LZTFL1: variants seen among roughly 807,000 people sequenced by gnomAD.
LZTFL1 encodes leucine zipper transcription factor like 1, also known as leucine zipper transcription factor-like protein 1.
Under a neutral mutation model 45.9 loss-of-function variants are expected in LZTFL1, and 25 were observed. The observed-to-expected ratio is 0.54, with a 90% confidence interval of 0.40 to 0.76. The LOEUF (loss-of-function observed/expected upper bound fraction) is 0.76. LZTFL1 is among the 30% of genes least tolerant of loss of function. LZTFL1 has a pLI of 0.00. For missense variants in LZTFL1, 277 were observed against 331.1 expected (o/e 0.84, Z 1.27); for synonymous variants, 93 against 117.4 (o/e 0.79, Z 1.35).
chr3:45,837,920 C>T lies in LZTFL1; in HGVS notation c.128+7G>A, dbSNP rs1211748883. On this transcript the variant is annotated splice_region_variant and intron_variant, in intron 2 of 9. Transcript: ENST00000296135. ...TATTTGGTTTGCTTAGAGTCCTCCT[C>T]TGATACCTGCTCTCCTTGAGGTCTT... is the stretch of plus-strand genomic sequence containing the variant. The T allele has an allele frequency of 4.4e-6, 7 of 1,605,040 alleles. No homozygotes were observed. Among genetic ancestry groups the T allele is most frequent in the African/African-American group, 1.3e-5 (1 of 74,428 alleles).
At chr3:45,864,292 G>A (rs9855780) in intron 2 of LZTFL1, among the ~76,000 whole-genome samples, 96,015 of 151,992 alleles carry the variant, frequency 0.63, 30,694 homozygotes, top group South Asian at 0.82. Flanking sequence ...ATCATAGGAA[G>A]ATAACAAAAT....
intron 4 of LZTFL1, among the ~76,000 whole-genome samples, chr3:45,833,907 AGT>A (rs1399897738): frequency 6.6e-6 from 1 of 152,226 alleles, no homozygotes; most frequent in Non-Finnish European, 1.5e-5. Flanking sequence ...ACAGCCAGGA[AGT>A]GACAGAGCCA....
rs1372099974 is a variant in LZTFL1, at chr3:45,897,545, C to T, written c.-215+15575G>A. On this transcript the variant is annotated intron_variant, in intron 2 of 4. Transcript: ENST00000472635. ...CCTGGGATTTCTGCACAATTTCTCC[C>T]ATTCTGCTCCTGCAGTCTCCTCCAG... The T allele has an allele frequency of 2.0e-6, 3 of 1,517,842 alleles. No individual in the cohort carries two copies. The South Asian group carries it at 3.6e-5, about 18-fold the overall frequency. The allele number at this position is 1,517,842 out of a possible 1,614,324, so 94.0% of individuals were successfully genotyped here.
intron 2 of LZTFL1, chr3:45,897,565 C>T: frequency 6.5e-7 from 1 of 1,535,294 alleles, no homozygotes; most frequent in South Asian, 1.2e-5. Flanking sequence ...CTGCAGTCTC[C>T]TCCAGGCCCC....
chr3:45,873,402 A>G (rs1472302787), intron 2 of LZTFL1, among the ~76,000 whole-genome samples: 1 of 152,148 alleles, frequency 6.6e-6, no homozygotes, highest in African/African-American at 2.4e-5. Flanking sequence ...TGAACATTTC[A>G]TTTCTCCATC....
chr3:45,830,912 C>G lies in LZTFL1; in HGVS notation c.600+1G>C. The G allele has an allele frequency of 6.2e-7, 1 of 1,613,068 alleles. No individual in the cohort carries two copies. The highest frequency in any genetic ancestry group is 8.5e-7 in the Non-Finnish European group (1 of 1,179,348). On this transcript the variant is annotated splice_donor_variant, in intron 7 of 9. Transcript: ENST00000296135. LOFTEE classifies it high-confidence loss of function. Reference sequence around the variant, plus strand: ...AGAAAGGTAGCTAAAACTTGTTTCACCTTTTGATTTCCTTGATCAAGCTGT... The same window carrying G: ...AGAAAGGTAGCTAAAACTTGTTTCAGCTTTTGATTTCCTTGATCAAGCTGT...
At chr3:45,864,716 G>GA (rs1466139798) in intron 2 of LZTFL1, among the ~76,000 whole-genome samples, 3 of 151,990 alleles carry the variant, frequency 2.0e-5, no homozygotes, top group African/African-American at 7.2e-5. Context: ...ATATAAGAGA[G>GA]AAAAAAACAC....
At chr3:45,869,973 T>C (rs1701644600) in intron 2 of LZTFL1, among the ~76,000 whole-genome samples, 2 of 152,248 alleles carry the variant, frequency 1.3e-5, no homozygotes, top group South Asian at 4.1e-4. Flanking sequence ...ACATCTGCTT[T>C]TGCATTTTCC....
intron 2 of LZTFL1, among the ~76,000 whole-genome samples, chr3:45,891,329 T>G (rs1702172891): frequency 6.6e-6 from 1 of 152,248 alleles, no homozygotes. Flanking sequence ...TACTTGTATC[T>G]AATTTCAAGC....
At position 45,890,350 on chromosome 3, in the gene LZTFL1, C is replaced by CATATATATATATAACAT. The variant is rs1559421663; in HGVS notation, c.-215+22769_-215+22770insATGTTATATATATATAT. Among the ~76,000 whole-genome samples, 15 of 23,076 alleles carry CATATATATATATAACAT rather than the reference C, an allele frequency of 6.5e-4. 5 individuals carry two copies. The highest frequency in any genetic ancestry group is 2.1e-3 in the African/African-American group (12 of 5,738). 15.1% of individuals were successfully genotyped at this position (23,076 alleles called of 152,430 possible). Reference sequence around the variant, plus strand: ...ATATATATATAACATATATATATAACATATATATATATATAACATATATAA... The same window carrying CATATATATATATAACAT: ...ATATATATATAACATATATATATAACATATATATATATAACATATATATATATATATAACATATATAA... On this transcript the variant is annotated intron_variant, in intron 2 of 4. Coordinates refer to the LZTFL1 transcript ENST00000472635.
rs1213703044 is a variant in LZTFL1, at chr3:45,901,527, T to A, written c.-215+11593A>T. On this transcript the variant is annotated intron_variant, in intron 2 of 4. Transcript: ENST00000472635. The surrounding 1 kb of genome is among the most constrained non-coding windows in gnomAD (Gnocchi z 4.3). ...TCACACCCTGATACAAGCCAAGAAGTCTTCCAAGCACAAAGCCCTAAAAGT... is the reference window on the plus strand; with the variant it reads ...TCACACCCTGATACAAGCCAAGAAGACTTCCAAGCACAAAGCCCTAAAAGT... The A allele has an allele frequency of 6.2e-7, 1 of 1,614,206 alleles. No homozygotes were observed.
At chr3:45,881,396 C>T (rs1701857513) in intron 2 of LZTFL1, among the ~76,000 whole-genome samples, 1 of 152,174 alleles carries the variant, frequency 6.6e-6, no homozygotes, top group Admixed American at 6.5e-5. Flanking sequence ...TTGTTCTCTT[C>T]CTCCTGCAAC....
At chr3:45,844,685 G>A (rs1054054729), upstream of LZTFL1, among the ~76,000 whole-genome samples, 2 of 152,158 alleles carry the variant, frequency 1.3e-5, 1 homozygote, top group Admixed American at 1.3e-4. Flanking sequence ...TGAGAAAGTA[G>A]CCAAGACCTT....
intron 4 of LZTFL1, among the ~76,000 whole-genome samples, chr3:45,834,023 G>A (rs1291262297): frequency 1.3e-5 from 2 of 152,184 alleles, no homozygotes; most frequent in Admixed American, 6.5e-5. Flanking sequence ...TCATGTGTAT[G>A]TGTAAGCCAT....
At chr3:45,844,062 A>G (rs1307392077), upstream of LZTFL1, among the ~76,000 whole-genome samples, 3 of 148,718 alleles carry the variant, frequency 2.0e-5, no homozygotes, top group African/African-American at 7.4e-5. Flanking sequence ...AGAGTTCAAC[A>G]TAAATAAAAT....
chr3:45,881,232 G>A (rs999092752), intron 2 of LZTFL1, among the ~76,000 whole-genome samples: 60 of 152,194 alleles, frequency 3.9e-4, no homozygotes, highest in Non-Finnish European at 1.0e-4. Flanking sequence ...CTGCAGTGGG[G>A]AATATCTAAC....
intron 2 of LZTFL1, among the ~76,000 whole-genome samples, chr3:45,877,797 G>T (rs1433860067): frequency 6.7e-6 from 1 of 149,042 alleles, no homozygotes; most frequent in Non-Finnish European, 1.5e-5. Flanking sequence ...CCAGGCTGGA[G>T]TGCAGTGGCT....
intron 2 of LZTFL1, among the ~76,000 whole-genome samples, chr3:45,897,280 T>G (rs1200198449): frequency 1.3e-5 from 2 of 152,170 alleles, no homozygotes; most frequent in African/African-American, 4.8e-5. Flanking sequence ...CTGACAAATT[T>G]TATATAAATC....
chr3:45,846,487 T>C (rs1054385896), upstream of LZTFL1, among the ~76,000 whole-genome samples: 2 of 152,200 alleles, frequency 1.3e-5, no homozygotes, highest in Non-Finnish European at 2.9e-5. Context: ...AATCCACATA[T>C]AACTTTTGAC....
Sources: gnomAD v4.1 joint callset for allele counts (sites outside exome capture counted in the v4.1 genomes callset) on GRCh38, gnomAD v4.1.1 for gene constraint, Gnocchi (gnomAD v3.1) non-coding constraint, MANE v1.5 for transcripts, NCBI Gene and HGNC (gene_info 2026-07-23, HGNC 2026-07-21) for gene names.